ALOX5AP: variants seen among roughly 807,000 people sequenced by gnomAD.
ALOX5AP encodes the protein arachidonate 5-lipoxygenase activating protein.
Under a neutral mutation model 18.5 loss-of-function variants are expected in ALOX5AP, and 9 were observed. The ratio of observed to expected loss-of-function variants is 0.49; its 90% CI spans 0.29 to 0.85. ALOX5AP has a LOEUF of 0.85. ALOX5AP is among the 40% of genes least tolerant of loss of function. ALOX5AP has a pLI of 0.08. For missense variants in ALOX5AP, 172 were observed against 202.5 expected, an observed-to-expected ratio of 0.85 and a Z score of 0.91; for synonymous variants, 81 against 78.6, an observed-to-expected ratio of 1.03 and a Z score of -0.16.
intron 1 of ALOX5AP, among the ~76,000 whole-genome samples, chr13:30,729,219 T>C (rs1951661323): frequency 6.6e-6 from 1 of 152,212 alleles, no homozygotes; most frequent in Non-Finnish European, 1.5e-5. Flanking sequence ...TTCTTCATGG[T>C]CACAAAGACT....
rs35918047 is a variant in ALOX5AP, at chr13:30,727,060, CTT to C, written c.117-8478_117-8477del. On this transcript the variant is annotated intron_variant, in intron 1 of 5. Transcript: ENST00000617770. ...TTGTTAGGCAGAAGCATGATTTTGCCTTTTTTTTTTTTTTCCAAGGTCTCACT... is the reference window on the plus strand; with the variant it reads ...TTGTTAGGCAGAAGCATGATTTTGCCTTTTTTTTTTTTCCAAGGTCTCACT... 1.4e-3 allele frequency among the ~76,000 whole-genome samples: 203 copies of C among 141,640 alleles called. 1 individual carries two copies. The highest frequency in any genetic ancestry group is 2.0e-3 in the East Asian group (10 of 4,930). The allele number at this position is 141,640 out of a possible 152,430, so 92.9% of individuals were successfully genotyped here.
At chr13:30,756,344 C>A (rs1057285845) in intron 4 of ALOX5AP, among the ~76,000 whole-genome samples, 8 of 152,154 alleles carry the variant, frequency 5.3e-5, no homozygotes, top group African/African-American at 1.9e-4. Flanking sequence ...CAGAGTCTGG[C>A]GCTGGAATGA....
At chr13:30,730,053 C>T (rs1951669345) in intron 1 of ALOX5AP, among the ~76,000 whole-genome samples, 1 of 152,188 alleles carries the variant, frequency 6.6e-6, no homozygotes, top group African/African-American at 2.4e-5. Context: ...GTGTGAATGG[C>T]TATGGACTTT....
chr13:30,748,960 C>A (rs1951830616), intron 2 of ALOX5AP, among the ~76,000 whole-genome samples: 1 of 152,240 alleles, frequency 6.6e-6, no homozygotes, highest in South Asian at 2.1e-4. Context: ...CAGCAGCAAC[C>A]CCCTCTCCAG....
intron 3 of ALOX5AP, among the ~76,000 whole-genome samples, chr13:30,753,968 A>T (rs1385376549): frequency 6.6e-6 from 1 of 152,212 alleles, no homozygotes; most frequent in Non-Finnish European, 1.5e-5. Context: ...GGCCAGGCAC[A>T]GTGGCTCATG....
At chr13:30,732,978 AC>A (rs1293662363), upstream of ALOX5AP, among the ~76,000 whole-genome samples, 8 of 151,918 alleles carry the variant, frequency 5.3e-5, no homozygotes, top group African/African-American at 7.2e-5. Context: ...ACACGGTGAA[AC>A]CCCCGTCTCT....
chr13:30,731,152 C>T (rs60115872), upstream of ALOX5AP, among the ~76,000 whole-genome samples: 5,791 of 152,140 alleles, frequency 0.038, 371 homozygotes, highest in African/African-American at 0.13. Context: ...TCCTTTCTTT[C>T]CTTTCTAAGA....
chr13:30,756,148 G>C (rs1217917251), intron 4 of ALOX5AP, 123 bp downstream of exon 4: 1 of 848,098 alleles, frequency 1.2e-6, no homozygotes, highest in Non-Finnish European at 1.9e-6. Flanking sequence ...GGGTGGGAGG[G>C]GGAAGGCTGA....
chr13:30,758,200 T>A (rs761716959), intron 4 of ALOX5AP, among the ~76,000 whole-genome samples: 8 of 152,202 alleles, frequency 5.3e-5, no homozygotes, highest in Admixed American at 1.3e-4. Flanking sequence ...CTGATATAGA[T>A]GCAAGCCAGA....
intron 3 of ALOX5AP, among the ~76,000 whole-genome samples, chr13:30,752,684 G>A (rs1278899791): frequency 6.6e-6 from 1 of 152,204 alleles, no homozygotes; most frequent in Non-Finnish European, 1.5e-5. Flanking sequence ...CCCTTTCGGG[G>A]CCACGCCTGG....
chr13:30,759,996 G>T (rs1020776493), intron 4 of ALOX5AP, among the ~76,000 whole-genome samples: 4 of 152,122 alleles, frequency 2.6e-5, no homozygotes, highest in African/African-American at 9.7e-5. Flanking sequence ...GCTGAAGGCT[G>T]TTCACTTCTC....
At chr13:30,724,928 G>A (rs915527195) in intron 1 of ALOX5AP, among the ~76,000 whole-genome samples, 3 of 152,220 alleles carry the variant, frequency 2.0e-5, no homozygotes, top group Non-Finnish European at 2.9e-5. Flanking sequence ...GTCTGCATCT[G>A]TGGCTTCATG....
chr13:30,747,343 A>C (rs180871947), intron 2 of ALOX5AP, among the ~76,000 whole-genome samples: 331 of 152,154 alleles, frequency 2.2e-3, no homozygotes, highest in Admixed American at 5.0e-3. Flanking sequence ...TGCCTGACTA[A>C]TTTTTGTATT....
chr13:30,741,281 T>C (rs1311921468), intron 1 of ALOX5AP, among the ~76,000 whole-genome samples: 4 of 151,574 alleles, frequency 2.6e-5, no homozygotes, highest in Admixed American at 1.3e-4. Flanking sequence ...AATTTTTTTT[T>C]TGTATTTTTT....
At chr13:30,735,538 C>T (rs1951713499), upstream of ALOX5AP, 1 of 1,606,830 alleles carries the variant, frequency 6.2e-7, no homozygotes, top group Non-Finnish European at 8.5e-7. Context: ...TCTCACTTCC[C>T]CTTCCTGTAC....
At chr13:30,741,748 T>C (rs1951767231) in intron 1 of ALOX5AP, among the ~76,000 whole-genome samples, 1 of 151,542 alleles carries the variant, frequency 6.6e-6, no homozygotes, top group Admixed American at 6.6e-5. Context: ...AAATGCTATG[T>C]AAACAGTTGT....
intron 1 of ALOX5AP, among the ~76,000 whole-genome samples, chr13:30,735,886 T>G (rs991730573): frequency 2.6e-5 from 4 of 152,262 alleles, no homozygotes; most frequent in Admixed American, 6.5e-5. Flanking sequence ...TTCACTTTTG[T>G]GGTGATTACC....
chr13:30,742,859 G>GCCCCCCCCCCCCCCCCCC (rs11316477), intron 1 of ALOX5AP, among the ~76,000 whole-genome samples: 32 of 106,014 alleles, frequency 3.0e-4, no homozygotes, highest in South Asian at 6.9e-4. Flanking sequence ...GACCTTCACC[G>GCCCCCCCCCCCCCCCCCC]CCCCCCCCCC....
intron 1 of ALOX5AP, among the ~76,000 whole-genome samples, chr13:30,718,917 T>C (rs1461111295): frequency 5.3e-5 from 8 of 152,238 alleles, no homozygotes; most frequent in Admixed American, 5.2e-4. Flanking sequence ...TCCAAACTAC[T>C]GCCTTCATCT....
Sources: allele counts gnomAD v4.1 joint callset (sites outside exome capture counted in the v4.1 genomes callset), GRCh38; gene constraint gnomAD v4.1.1; transcripts MANE v1.5; gene names NCBI Gene and HGNC (gene_info 2026-07-23, HGNC 2026-07-21).